OR14A2: variants seen among roughly 807,000 people sequenced by gnomAD.
OR14A2 encodes olfactory receptor family 14 subfamily A member 2.
For missense variants in OR14A2, 237 were observed against 152.9 expected (o/e 1.55, Z -2.90); for synonymous variants, 114 against 58.6 (o/e 1.95, Z -4.32).
At chr1:247,723,851 A>G (rs1404307389) in exon 1 of OR14A2, 7 of 717,812 alleles carry the variant, frequency 9.8e-6, no homozygotes, top group Admixed American at 8.0e-5. Flanking sequence ...TCCAAAAAGG[A>G]TAAGTTCTTC....
upstream of OR14A2, among the ~76,000 whole-genome samples, chr1:247,726,982 G>A (rs1216516647): frequency 1.4e-5 from 2 of 147,818 alleles, no homozygotes; most frequent in African/African-American, 5.2e-5. Flanking sequence ...CTCCAGCTTT[G>A]TTCTTTTGGC....
chr1:247,734,653 A>G, the OR14A2 span, among the ~76,000 whole-genome samples: 9 of 152,236 alleles, frequency 5.9e-5, no homozygotes, highest in Non-Finnish European at 1.0e-4. Context: ...GTCCCTGTCA[A>G]AATCCCTAGG....
At chr1:247,740,318 G>T in the OR14A2 span, among the ~76,000 whole-genome samples, 1 of 151,746 alleles carries the variant, frequency 6.6e-6, no homozygotes, top group African/African-American at 2.4e-5. Flanking sequence ...TTCACTATTT[G>T]GTAAAAGTTG....
At chr1:247,738,919 T>C in the OR14A2 span, 1 of 780,750 alleles carries the variant, frequency 1.3e-6, no homozygotes, top group Non-Finnish European at 2.4e-6. Flanking sequence ...CTCTTCTTGG[T>C]GGTACTGCTG....
the OR14A2 span, among the ~76,000 whole-genome samples, chr1:247,741,195 C>CT: frequency 1.3e-5 from 2 of 152,170 alleles, no homozygotes; most frequent in Non-Finnish European, 2.9e-5. Context: ...TAAATATCTT[C>CT]TAGTGAGCTT....
chr1:247,742,065 T>A, the OR14A2 span, among the ~76,000 whole-genome samples: 3,751 of 152,298 alleles, frequency 0.025, 161 homozygotes, highest in African/African-American at 0.085. Context: ...TTTGCTCAAA[T>A]GTTGAAACAA....
At chr1:247,727,030 C>G (rs1038604900), upstream of OR14A2, among the ~76,000 whole-genome samples, 1 of 150,452 alleles carries the variant, frequency 6.6e-6, no homozygotes, top group African/African-American at 2.5e-5. Flanking sequence ...TTTTTTGGTG[C>G]CATATGAACT....
the OR14A2 span, among the ~76,000 whole-genome samples, chr1:247,747,263 G>A: frequency 2.0e-5 from 3 of 151,962 alleles, no homozygotes; most frequent in African/African-American, 4.8e-5. Context: ...AAGCCAGGGT[G>A]AATCAGCCTA....
At chr1:247,723,868 A>G (rs754069484) in exon 1 of OR14A2, 25 of 717,668 alleles carry the variant, frequency 3.5e-5, no homozygotes, top group Non-Finnish European at 5.7e-5. Flanking sequence ...CTTCAGGAAG[A>G]AGTACATGGG....
At chr1:247,731,151 A>G in the OR14A2 span, among the ~76,000 whole-genome samples, 1 of 152,020 alleles carries the variant, frequency 6.6e-6, no homozygotes, top group African/African-American at 2.4e-5. Context: ...TTTTGCTGTC[A>G]ACAAATTCCT....
the OR14A2 span, chr1:247,739,187 T>C: frequency 1.2e-4 from 91 of 780,918 alleles, no homozygotes; most frequent in Non-Finnish European, 1.9e-4. Flanking sequence ...CTAAAGAACA[T>C]GCCATCATTA....
chr1:247,747,564 G>A, the OR14A2 span, among the ~76,000 whole-genome samples: 3 of 151,874 alleles, frequency 2.0e-5, no homozygotes, highest in South Asian at 2.1e-4. Context: ...GGGTTTCGCC[G>A]TGTTAGCCAG....
the OR14A2 span, chr1:247,739,591 G>T: frequency 4.5e-5 from 33 of 731,866 alleles, no homozygotes; most frequent in Non-Finnish European, 7.3e-5. Flanking sequence ...AACTTTTTTT[G>T]TTGTTGTTGT....
chr1:247,730,179 G>A, the OR14A2 span, among the ~76,000 whole-genome samples: 5 of 152,044 alleles, frequency 3.3e-5, no homozygotes, highest in Non-Finnish European at 7.4e-5. Flanking sequence ...AGTCAAAGGT[G>A]GCTCCTGTAG....
At chr1:247,729,259 T>A in the OR14A2 span, among the ~76,000 whole-genome samples, 37 of 152,138 alleles carry the variant, frequency 2.4e-4, no homozygotes, top group African/African-American at 8.9e-4. Flanking sequence ...AGGAAACAAC[T>A]GTTTCCAACG....
chr1:247,723,237 G>C (rs1056909890), exon 1 of OR14A2: 10 of 657,132 alleles, frequency 1.5e-5, no homozygotes, highest in Non-Finnish European at 2.6e-5. Context: ...AAAGCAGCCT[G>C]TCAATAACAG....
chr1:247,733,701 A>T, the OR14A2 span, among the ~76,000 whole-genome samples: 1 of 152,200 alleles, frequency 6.6e-6, no homozygotes, highest in South Asian at 2.1e-4. Flanking sequence ...AAAATGAACA[A>T]AAGACAAAAC....
the OR14A2 span, among the ~76,000 whole-genome samples, chr1:247,747,381 A>T: frequency 6.7e-5 from 9 of 134,652 alleles, no homozygotes; most frequent in African/African-American, 2.9e-4. Context: ...TTTTTTTCTG[A>T]GACGGAGTCT....
exon 1 of OR14A2, chr1:247,723,554 T>A (rs1558305491): frequency 2.8e-6 from 2 of 718,038 alleles, no homozygotes; most frequent in Non-Finnish European, 5.2e-6. Flanking sequence ...CAGAAAGGCA[T>A]GGAAAATGTG....
Sources: gnomAD v4.1 joint callset for allele counts (sites outside exome capture counted in the v4.1 genomes callset) on GRCh38, gnomAD v4.1.1 for gene constraint, MANE v1.5 for transcripts, NCBI Gene and HGNC (gene_info 2026-07-23, HGNC 2026-07-21) for gene names.